Variants in RORA observed in about 807,000 individuals in gnomAD.
RORA encodes the protein RAR related orphan receptor A.
In RORA, 7 loss-of-function variants were observed where a neutral mutation model predicts 69.5. The ratio of observed to expected loss-of-function variants is 0.10; its 90% confidence interval spans 0.06 to 0.19. The LOEUF is 0.19. Among genes scored for constraint, RORA ranks in the 10% least tolerant of loss-of-function variants. The pLI, the probability that RORA is intolerant of heterozygous loss-of-function variation, is 1.00. For synonymous variants in RORA, 261 were observed against 240.8 expected (o/e 1.08, Z -0.78); for missense variants, 457 against 663.0 (o/e 0.69, Z 3.41).
chr15:60,862,512 C>T (rs4775305), intron 1 of RORA, among the ~76,000 whole-genome samples: 52,547 of 152,068 alleles, frequency 0.35, 9,290 homozygotes, highest in Non-Finnish European at 0.37. Flanking sequence ...ATGGAGGGCA[C>T]TGTAGAAAAG....
intron 1 of RORA, among the ~76,000 whole-genome samples, chr15:60,896,845 G>C (rs181876446): frequency 7.9e-4 from 120 of 151,608 alleles, no homozygotes; most frequent in African/African-American, 2.8e-3. Flanking sequence ...AGTTGGGCAA[G>C]TCACTTAACC....
chr15:60,924,188 G>T (rs1214801677), intron 1 of RORA, among the ~76,000 whole-genome samples: 1 of 151,904 alleles, frequency 6.6e-6, no homozygotes, highest in Admixed American at 6.6e-5. Flanking sequence ...TCCTGAAGGT[G>T]TTAGCTGACA....
intron 1 of RORA, among the ~76,000 whole-genome samples, chr15:60,824,565 C>T (rs539699542): frequency 6.6e-6 from 1 of 152,246 alleles, no homozygotes; most frequent in South Asian, 2.1e-4. Flanking sequence ...ATCAGACTAG[C>T]TGGATTCAAA....
chr15:61,118,294 G>T (rs978998468), intron 1 of RORA, among the ~76,000 whole-genome samples: 4 of 152,150 alleles, frequency 2.6e-5, no homozygotes, highest in Non-Finnish European at 5.9e-5. Context: ...TTGACAGGGC[G>T]CTTGTGAGGC....
rs908650003 is a variant in RORA, at chr15:60,739,815, C to T, written c.167-61129G>A. ...CCCCACTAGGTATTGAGGAAGGAAA[C>T]GATTTCTTTTTTTAAAGAAATCTGA... On this transcript the variant is annotated intron_variant, in intron 1 of 10. Coordinates refer to ENST00000335670, the MANE Select transcript of RORA (RefSeq NM_134261.3). Among the ~76,000 whole-genome samples the T allele has an allele frequency of 5.3e-5, 8 of 152,028 alleles. No individual in the cohort carries two copies. In the South Asian group the frequency reaches 6.2e-4, roughly 12 times the overall value.
At chr15:60,681,106 T>A (rs985044056) in intron 1 of RORA, among the ~76,000 whole-genome samples, 1 of 152,214 alleles carries the variant, frequency 6.6e-6, no homozygotes, top group African/African-American at 2.4e-5. Flanking sequence ...TCTTTGATCC[T>A]CTGAAACCTA....
chr15:61,059,863 A>T (rs532714252), intron 1 of RORA, among the ~76,000 whole-genome samples: 1 of 151,826 alleles, frequency 6.6e-6, no homozygotes, highest in East Asian at 1.9e-4. Context: ...CTTAAAATGT[A>T]AAGGATGGAA....
At chr15:60,577,963 G>A (rs1241853927) in intron 2 of RORA, among the ~76,000 whole-genome samples, 3 of 152,150 alleles carry the variant, frequency 2.0e-5, no homozygotes, top group Admixed American at 6.5e-5. Context: ...TGATGTATGT[G>A]AAGAAAATCT....
intron 1 of RORA, among the ~76,000 whole-genome samples, chr15:61,079,160 C>T (rs1331656712): frequency 1.3e-5 from 2 of 152,154 alleles, no homozygotes; most frequent in African/African-American, 4.8e-5. Flanking sequence ...TAGCTCTAAT[C>T]TACGACTATT....
At chr15:60,627,920 T>C (rs1479654357) in intron 2 of RORA, among the ~76,000 whole-genome samples, 1 of 152,222 alleles carries the variant, frequency 6.6e-6, no homozygotes, top group Non-Finnish European at 1.5e-5. Context: ...TCTCCTCTCC[T>C]GGAGTATAAG....
At chr15:60,691,761 G>A (rs2070829853) in intron 1 of RORA, among the ~76,000 whole-genome samples, 1 of 152,114 alleles carries the variant, frequency 6.6e-6, no homozygotes, top group African/African-American at 2.4e-5. Flanking sequence ...AAATTGATTT[G>A]GTCATTACCA....
intron 1 of RORA, among the ~76,000 whole-genome samples, chr15:61,082,900 C>A (rs1200436558): frequency 6.6e-6 from 1 of 152,114 alleles, no homozygotes; most frequent in South Asian, 2.1e-4. Context: ...TCAGTAGAAG[C>A]TTAGAAAGCT....
chr15:61,107,097 T>C (rs1169647386), intron 1 of RORA, among the ~76,000 whole-genome samples: 1 of 152,180 alleles, frequency 6.6e-6, no homozygotes, highest in Non-Finnish European at 1.5e-5. Flanking sequence ...TATATTTAAC[T>C]GTTTCCAAAA....
chr15:60,633,026 C>A (rs2069770606), intron 2 of RORA, among the ~76,000 whole-genome samples: 1 of 152,072 alleles, frequency 6.6e-6, no homozygotes, highest in Admixed American at 6.5e-5. Flanking sequence ...ATTTCAATAC[C>A]CCAAAAGTAG....
chr15:60,812,708 T>A (rs16943133), intron 1 of RORA, among the ~76,000 whole-genome samples: 9,622 of 152,220 alleles, frequency 0.063, 387 homozygotes, highest in Admixed American at 0.092. Flanking sequence ...TCCACTGTGA[T>A]AGAAGAGAAG....
At chr15:60,592,681 C>T (rs1403154874) in intron 2 of RORA, 1 of 1,060,914 alleles carries the variant, frequency 9.4e-7, no homozygotes, top group Non-Finnish European at 1.1e-6. Flanking sequence ...CAGCGCCGCG[C>T]CCCGCCCCGC....
chr15:60,707,529 A>G (rs1042937311), intron 1 of RORA, among the ~76,000 whole-genome samples: 24 of 151,530 alleles, frequency 1.6e-4, no homozygotes, highest in Non-Finnish European at 3.4e-4. Flanking sequence ...ACGCCTGGCT[A>G]ATTTTTTGTA....
chr15:60,844,987 C>A (rs1197746757), intron 1 of RORA, among the ~76,000 whole-genome samples: 1 of 152,068 alleles, frequency 6.6e-6, no homozygotes, highest in East Asian at 1.9e-4. Flanking sequence ...TGAAGGAAAC[C>A]AAACCCACCC....
chr15:60,725,096 T>C (rs2071340212), intron 1 of RORA, among the ~76,000 whole-genome samples: 1 of 152,260 alleles, frequency 6.6e-6, no homozygotes, highest in Admixed American at 6.5e-5. Flanking sequence ...TTAGCGATTA[T>C]AAAATTGACT....
Sources: gnomAD v4.1 joint callset for allele counts (sites outside exome capture counted in the v4.1 genomes callset) on GRCh38, gnomAD v4.1.1 for gene constraint, MANE v1.5 for transcripts, NCBI Gene and HGNC (gene_info 2026-07-23, HGNC 2026-07-21) for gene names.